Variants in TRIM24 observed in about 807,000 individuals in gnomAD.
The protein encoded by TRIM24 is transcription intermediary factor 1-alpha.
A neutral mutation model predicts 123.9 loss-of-function variants in TRIM24; 29 were observed. The ratio of observed to expected loss-of-function variants is 0.23; its 90% CI spans 0.17 to 0.32. The LOEUF is 0.32. TRIM24 is among the 10% of genes least tolerant of loss of function. TRIM24 has a pLI of 1.00. For missense variants in TRIM24, 932 were observed against 1,295.3 expected, an observed-to-expected ratio of 0.72 and a Z score of 4.31; for synonymous variants, 456 against 461.1, an observed-to-expected ratio of 0.99 and a Z score of 0.14.
chr7:138,472,206 G>A (rs1285843482), intron 1 of TRIM24, among the ~76,000 whole-genome samples: 2 of 151,470 alleles, frequency 1.3e-5, no homozygotes, highest in Non-Finnish European at 2.9e-5. Flanking sequence ...AGTTGAGGAA[G>A]GTTTCTCACT....
chr7:138,534,391 C>T (rs546145089), intron 6 of TRIM24, among the ~76,000 whole-genome samples: 1 of 152,276 alleles, frequency 6.6e-6, no homozygotes, highest in East Asian at 1.9e-4. Context: ...TTAAATGTGT[C>T]CCAGAGATCC....
intron 7 of TRIM24, among the ~76,000 whole-genome samples, 174 bp downstream of exon 7, chr7:138,538,977 C>T (rs935051151): frequency 3.3e-5 from 5 of 152,098 alleles, no homozygotes; most frequent in African/African-American, 1.2e-4. Flanking sequence ...GGTGTAATTT[C>T]AGTTTTAATT....
At chr7:138,480,534 G>C (rs1251675381) in intron 1 of TRIM24, among the ~76,000 whole-genome samples, 1 of 151,894 alleles carries the variant, frequency 6.6e-6, no homozygotes, top group African/African-American at 2.4e-5. Context: ...CCTGTTTTTT[G>C]CTCTTTTTAA....
intron 9 of TRIM24, chr7:138,556,284 G>A (rs1333000631): frequency 6.6e-6 from 1 of 151,860 alleles, no homozygotes; most frequent in Non-Finnish European, 1.5e-5. Flanking sequence ...CACTTGCTTA[G>A]AATCAGCTTC....
intron 4 of TRIM24, among the ~76,000 whole-genome samples, chr7:138,521,705 T>C (rs1212245418): frequency 6.6e-6 from 1 of 152,212 alleles, no homozygotes; most frequent in Admixed American, 6.5e-5. Flanking sequence ...ATTTTCTTTT[T>C]ATGAGAAATA....
intron 4 of TRIM24, among the ~76,000 whole-genome samples, chr7:138,521,478 G>A (rs989653529): frequency 6.6e-6 from 1 of 152,146 alleles, no homozygotes; most frequent in African/African-American, 2.4e-5. Context: ...AATTACCAAG[G>A]TGTGGAGAGT....
At chr7:138,474,533 CT>C (rs1024060816) in intron 1 of TRIM24, among the ~76,000 whole-genome samples, 2 of 152,128 alleles carry the variant, frequency 1.3e-5, no homozygotes, top group Non-Finnish European at 2.9e-5. Context: ...TTTAAGAAAT[CT>C]TTGTCTAACA....
intron 7 of TRIM24, among the ~76,000 whole-genome samples, chr7:138,543,333 T>A (rs768024401): frequency 6.6e-6 from 1 of 152,214 alleles, no homozygotes; most frequent in Non-Finnish European, 1.5e-5. Flanking sequence ...GGAACCCAAG[T>A]GAGCACTGAT....
At chr7:138,509,496 G>A (rs913478547) in intron 2 of TRIM24, among the ~76,000 whole-genome samples, 2 of 150,698 alleles carry the variant, frequency 1.3e-5, no homozygotes, top group African/African-American at 4.8e-5. Context: ...AAGATTAGGA[G>A]TTTGAGACCA....
At chr7:138,559,936 A>G (rs1017683717) in intron 9 of TRIM24, among the ~76,000 whole-genome samples, 4 of 152,058 alleles carry the variant, frequency 2.6e-5, no homozygotes, top group African/African-American at 7.3e-5. Context: ...GTACCCAGCC[A>G]TGGATTCTTT....
rs983427105 is a variant in TRIM24, at chr7:138,585,390, G to A, written c.*439G>A. The A allele has an allele frequency of 6.9e-5, 16 of 230,824 alleles. No individual in the cohort carries two copies. Among genetic ancestry groups the A allele is most frequent in the South Asian group, 4.7e-4 (4 of 8,544 alleles). 14.3% of individuals were successfully genotyped at this position (230,824 alleles called of 1,614,324 possible). A position where few individuals can be genotyped will look rare whatever the true frequency, so the allele number is the denominator to read the frequency against. On this transcript the variant is annotated 3_prime_UTR_variant, in exon 19 of 19. Transcript: ENST00000343526. ...GCTTTAGAAATTAATACCACTACCCGTGAATTATATGGCCTGACAATATGA... is the reference window on the plus strand; with the variant it reads ...GCTTTAGAAATTAATACCACTACCCATGAATTATATGGCCTGACAATATGA...
In TRIM24 at chr7:138,573,587, C is replaced by T; in HGVS notation, c.1959C>T (p.Pro653=). Reference sequence around the variant, plus strand: ...TAGATCATGGCCAGCCAAGACCACCCTCAAACAGAACGGTCCAGTCACCAA... The same window carrying T: ...TAGATCATGGCCAGCCAAGACCACCTTCAAACAGAACGGTCCAGTCACCAA... The part of the protein sequence containing the change: ...TNIDHGQPRP[P]SNRTVQSPNS... The change falls in exon 12 of 19, where the codon CCC becomes CCT. Residue 653 remains proline, a synonymous_variant. Coordinates refer to ENST00000343526, the MANE Select transcript of TRIM24 (RefSeq NM_015905.3). 6.2e-7 allele frequency: 1 copy of T among 1,614,042 alleles called. No homozygotes were observed. The highest frequency in any genetic ancestry group is 2.2e-5 in the East Asian group (1 of 44,872).
chr7:138,577,680 T>C (rs1797790477), intron 14 of TRIM24, 92 bp downstream of exon 14: 2 of 1,086,696 alleles, frequency 1.8e-6, no homozygotes, highest in Non-Finnish European at 2.5e-6. Context: ...TTTTTAATGT[T>C]ATATTTAAAA....
chr7:138,490,363 A>T (rs1365680681), intron 1 of TRIM24, among the ~76,000 whole-genome samples: 1 of 152,186 alleles, frequency 6.6e-6, no homozygotes, highest in Non-Finnish European at 1.5e-5. Context: ...TCAACTCATC[A>T]AAGTTATTCT....
chr7:138,573,808 C>A (rs1221011147), intron 12 of TRIM24, among the ~76,000 whole-genome samples, 166 bp downstream of exon 12: 2 of 152,026 alleles, frequency 1.3e-5, no homozygotes, highest in South Asian at 2.1e-4. Context: ...TTTCTTTATC[C>A]TTTCTTTCTT....
chr7:138,482,337 T>G (rs1795547056), intron 1 of TRIM24, among the ~76,000 whole-genome samples: 1 of 152,176 alleles, frequency 6.6e-6, no homozygotes, highest in African/African-American at 2.4e-5. Context: ...TTCTAATTGT[T>G]TTTTAGCTAT....
chr7:138,565,636 A>C (rs896196376), intron 9 of TRIM24, among the ~76,000 whole-genome samples: 3 of 152,308 alleles, frequency 2.0e-5, no homozygotes, highest in Non-Finnish European at 4.4e-5. Flanking sequence ...GGAGAGACCA[A>C]TAGGTAGAAG....
chr7:138,569,671 C>T (rs922550597), intron 10 of TRIM24, among the ~76,000 whole-genome samples: 5 of 152,058 alleles, frequency 3.3e-5, no homozygotes, highest in Non-Finnish European at 4.4e-5. Context: ...CATTCATGTC[C>T]AACTTCATAT....
intron 16 of TRIM24, 114 bp downstream of exon 16, chr7:138,580,808 A>G (rs1797878238): frequency 1.9e-6 from 2 of 1,038,816 alleles, no homozygotes; most frequent in Admixed American, 6.6e-5. Context: ...TTTATTTAAG[A>G]GTATTTTTTT....
Sources: allele counts gnomAD v4.1 joint callset (sites outside exome capture counted in the v4.1 genomes callset), GRCh38; gene constraint gnomAD v4.1.1; transcripts MANE v1.5; gene names NCBI Gene and HGNC (gene_info 2026-07-23, HGNC 2026-07-21).